WAS: variants seen among roughly 807,000 people sequenced by gnomAD.
WAS encodes WASP actin nucleation promoting factor.
A neutral mutation model predicts 38.9 loss-of-function variants in WAS; 1 was observed. The ratio of observed to expected loss-of-function variants is 0.03; its 90% CI spans 0.01 to 0.12. WAS has a LOEUF of 0.12. Among genes scored for constraint, WAS ranks in the 10% least tolerant of loss-of-function variants. WAS has a pLI of 1.00. For missense variants in WAS, 311 were observed against 431.2 expected (o/e 0.72, Z 2.47); for synonymous variants, 182 against 173.6 (o/e 1.05, Z -0.38).
At chrX:48,676,702 C>T (rs1183687493) in exon 1 of WAS, 3 of 112,831 alleles carry the variant, frequency 2.7e-5, no homozygotes, top group Non-Finnish European at 5.6e-5. Context: ...CTGGCCGACC[C>T]GGCCCCGCGC....
chrX:48,688,633 C>G, intron 9 of WAS, 27 bp from the exon 10 acceptor site: 2 of 1,209,775 alleles, frequency 1.7e-6, no homozygotes, highest in East Asian at 3.0e-5. Context: ...ATGAGAGTTA[C>G]AGCTATGTGT....
intron 1 of WAS, among the ~76,000 whole-genome samples, chrX:48,677,988 C>T (rs983040290): frequency 3.3e-4 from 37 of 111,730 alleles, no homozygotes; most frequent in African/African-American, 1.2e-3. Flanking sequence ...TCCTGCCTGC[C>T]CTCGGGGTGT....
At position 48,684,285 on chromosome X, in the gene WAS, G is replaced by A. The variant is rs782526978; in HGVS notation, c.135G>A (p.Thr45=). ...LFEMLGRKCL[T]LATAVVQLYL... is the part of the protein sequence containing the mutation. ...TGACCCCTGCTTTCCTCTCCCAGAC[G>A]CTGGCCACTGCAGTTGTTCAGCTGT... The change falls in exon 2 of 12, where the codon ACG becomes ACA. Residue 45 remains threonine (T), a splice_region_variant and synonymous_variant. Coordinates refer to ENST00000376701, the MANE Select transcript of WAS (RefSeq NM_000377.3). 12 of 1,209,618 alleles carry A rather than the reference G, an allele frequency of 9.9e-6. No homozygotes were observed. Among genetic ancestry groups the A allele is most frequent in the Admixed American group, 4.4e-5 (2 of 45,675 alleles).
At chrX:48,682,623 G>A (rs932396954), upstream of WAS, among the ~76,000 whole-genome samples, 1 of 112,049 alleles carries the variant, frequency 8.9e-6, no homozygotes, top group East Asian at 2.8e-4. Context: ...GGCTGGGCAC[G>A]GTGGCTCACG....
In WAS at chrX:48,686,076, C is replaced by T. The variant is rs1557006654; in HGVS notation, c.506-5C>T. The T allele has an allele frequency of 2.5e-6, 3 of 1,210,458 alleles. No individual in the cohort carries two copies. Among genetic ancestry groups the T allele is most frequent in the Non-Finnish European group, 3.4e-6 (3 of 895,227 alleles). ...GATAACTCTCTACACATTCCATCTT[C>T]CCAGAGAGAAGAGGAGGGCTCCCAC... is the stretch of plus-strand genomic sequence containing the variant. On this transcript the variant is annotated splice_region_variant and splice_polypyrimidine_tract_variant and intron_variant, in intron 5 of 11. Coordinates refer to ENST00000376701, the MANE Select transcript of WAS (RefSeq NM_000377.3).
Position 48,684,268 on chromosome X carries a change from G to A in WAS, c.133-15G>A, listed in dbSNP as rs781858910. 14 of 1,209,643 alleles carry A rather than the reference G, an allele frequency of 1.2e-5. No individual in the cohort carries two copies. The highest frequency in any genetic ancestry group is 5.3e-5 in the African/African-American group (3 of 57,041). ...CCCTGACCAGACTCCACTGACCCCT[G>A]CTTTCCTCTCCCAGACGCTGGCCAC... On this transcript the variant is annotated splice_polypyrimidine_tract_variant and intron_variant, in intron 1 of 11. Coordinates refer to ENST00000376701, the MANE Select transcript of WAS (RefSeq NM_000377.3).
intron 6 of WAS, 128 bp from the exon 7 acceptor site, chrX:48,686,653 C>T (rs189073442): frequency 1.3e-6 from 1 of 785,645 alleles, no homozygotes; most frequent in African/African-American, 2.1e-5. Context: ...TACTTGAACC[C>T]TTCACCCACT....
intron 1 of WAS, among the ~76,000 whole-genome samples, chrX:48,677,348 A>AG (rs1187654838): frequency 1.1e-4 from 12 of 110,704 alleles, no homozygotes; most frequent in Admixed American, 9.5e-4. Context: ...CGCTTGAGGG[A>AG]GGGGGGAATC....
intron 1 of WAS, among the ~76,000 whole-genome samples, chrX:48,677,491 A>T (rs1185998943): frequency 8.9e-6 from 1 of 112,114 alleles, no homozygotes; most frequent in East Asian, 2.8e-4. Flanking sequence ...CTGCATCTTC[A>T]CAACAACCTT....
intron 6 of WAS, 107 bp from the exon 7 acceptor site, chrX:48,686,673 AC>A: frequency 4.1e-6 from 4 of 965,229 alleles, no homozygotes; most frequent in Non-Finnish European, 5.8e-6. Flanking sequence ...TACCTCCATG[AC>A]CATCCAACAC....
In WAS at chrX:48,686,880, C is replaced by T; in HGVS notation, c.659C>T (p.Pro220Leu). The T allele has an allele frequency of 1.7e-6, 2 of 1,211,898 alleles. No individual in the cohort carries two copies. Among genetic ancestry groups the T allele is most frequent in the Non-Finnish European group, 2.2e-6 (2 of 895,532 alleles). ...TACCGTGGGCTCCCAGCACCTGGAC[C>T]TAGCCCAGCTGATAAGAAACGCTCA... is the stretch of plus-strand genomic sequence containing the variant. ...SRYRGLPAPGPSPADKKRSGK... is the reference protein window; with the variant it reads ...SRYRGLPAPGLSPADKKRSGK... Residue 220 changes from proline (P) to leucine (L), a missense_variant, in exon 7 of 12, where the codon CCT (proline) becomes CTT (leucine). By Grantham distance (98) the Pro-to-Leu change is moderately conservative. Coordinates refer to ENST00000376701, the MANE Select transcript of WAS (RefSeq NM_000377.3).
At chrX:48,680,702 A>G (rs1243871526), upstream of WAS, among the ~76,000 whole-genome samples, 1 of 111,684 alleles carries the variant, frequency 9.0e-6, no homozygotes, top group African/African-American at 3.3e-5. Flanking sequence ...CAGTTCCCGG[A>G]ATTGCCCACC....
At chrX:48,682,168 A>G (rs2062402364), upstream of WAS, among the ~76,000 whole-genome samples, 1 of 112,144 alleles carries the variant, frequency 8.9e-6, no homozygotes, top group Admixed American at 9.5e-5. Context: ...GGACCAGGAG[A>G]TGTGTGCGGG....
intron 11 of WAS, 63 bp from the exon 12 acceptor site, chrX:48,691,044 C>T (rs1557007694): frequency 3.7e-6 from 4 of 1,089,629 alleles, no homozygotes; most frequent in East Asian, 6.1e-5. Flanking sequence ...GTCCTCACCT[C>T]CCAGGCCCTA....
chrX:48,690,295 T>G (rs1229340335), intron 11 of WAS, among the ~76,000 whole-genome samples: 1 of 105,494 alleles, frequency 9.5e-6, no homozygotes, highest in African/African-American at 3.5e-5. Context: ...TGGCTAATTT[T>G]TGGTGTTTTT....
rs1208621552 is a variant in WAS, at chrX:48,689,019, C to T, written c.1291C>T (p.Arg431Trp). The change falls in exon 10 of 12, where the codon CGG becomes TGG. Residue 431 changes from arginine to tryptophan, a missense_variant. Physicochemically the swap from Arg to Trp is moderately radical, Grantham distance 101. Around this residue, in one of 4 missense-constraint regions of WAS, gnomAD observed 142 missense variants for 157.6 expected, o/e 0.90. Transcript: ENST00000376701. ...PAGGLAPGGG[R>W]GALLDQIRQG... ...CGGGGGCCTGGCCCCTGGTGGGGGT[C>T]GGGGAGCGCTTTTGGATCAAATCCG... 10 of 1,203,762 alleles carry T rather than the reference C, an allele frequency of 8.3e-6. No homozygotes were observed. Among genetic ancestry groups the T allele is most frequent in the East Asian group, 3.0e-5 (1 of 33,695 alleles).
intron 11 of WAS, 123 bp downstream of exon 11, chrX:48,689,557 T>TCC: frequency 1.7e-6 from 1 of 589,853 alleles, no homozygotes; most frequent in Non-Finnish European, 2.8e-6. Flanking sequence ...TTAACATGAA[T>TCC]CTTGTGTCAG....
chrX:48,680,571 T>C (rs2062398734), upstream of WAS, among the ~76,000 whole-genome samples: 1 of 111,586 alleles, frequency 9.0e-6, no homozygotes, highest in African/African-American at 3.3e-5. Flanking sequence ...TCTTCCTAAC[T>C]GCTCATTATA....
upstream of WAS, among the ~76,000 whole-genome samples, chrX:48,683,050 T>A (rs1199512269): frequency 1.8e-5 from 2 of 110,898 alleles, no homozygotes; most frequent in African/African-American, 3.3e-5. Flanking sequence ...GCTCGCTCTG[T>A]AATTAAAAGG....
Sources: allele counts gnomAD v4.1 joint callset (sites outside exome capture counted in the v4.1 genomes callset), GRCh38; gene constraint gnomAD v4.1.1; regional missense constraint gnomAD v4.1.1; transcripts MANE v1.5; gene names NCBI Gene and HGNC (gene_info 2026-07-23, HGNC 2026-07-21).